DIAPH2: variants seen among roughly 807,000 people sequenced by gnomAD.
The protein encoded by DIAPH2 is protein diaphanous homolog 2.
DIAPH2 carries 35 observed loss-of-function variants against 92.7 expected under a neutral mutation model. The observed-to-expected ratio is 0.38, with a 90% confidence interval of 0.29 to 0.50. The LOEUF is 0.50. DIAPH2 is among the 20% of genes least tolerant of loss of function. The pLI is 0.94. For missense variants in DIAPH2, 701 were observed against 819.5 expected, an observed-to-expected ratio of 0.86 and a Z score of 1.77; for synonymous variants, 301 against 280.4, an observed-to-expected ratio of 1.07 and a Z score of -0.73.
chrX:97,517,082 G>A (rs139469936), intron 26 of DIAPH2, among the ~76,000 whole-genome samples: 1,144 of 111,606 alleles, frequency 0.01, 15 homozygotes, highest in African/African-American at 0.036. Flanking sequence ...CATAGTGATG[G>A]AGTCCATAGT....
intron 17 of DIAPH2, among the ~76,000 whole-genome samples, chrX:96,994,115 G>C (rs2066089421): frequency 8.9e-6 from 1 of 111,856 alleles, no homozygotes; most frequent in Admixed American, 9.5e-5. Context: ...GCTTTTGGTA[G>C]GAAAGTTTAG....
chrX:97,150,209 T>A (rs1182854312), intron 22 of DIAPH2, among the ~76,000 whole-genome samples: 15 of 111,721 alleles, frequency 1.3e-4, no homozygotes, highest in Non-Finnish European at 3.8e-5. Flanking sequence ...GGAAAGAAAG[T>A]CATGTTTTCT....
chrX:97,366,292 A>G (rs1046431489), intron 24 of DIAPH2, among the ~76,000 whole-genome samples: 1 of 111,623 alleles, frequency 9.0e-6, no homozygotes, highest in African/African-American at 3.3e-5. Context: ...TCTCTCTGCC[A>G]CCTTTTCAAG....
At chrX:97,354,169 A>T (rs1170303709) in intron 24 of DIAPH2, among the ~76,000 whole-genome samples, 1 of 110,900 alleles carries the variant, frequency 9.0e-6, no homozygotes, top group African/African-American at 3.3e-5. Flanking sequence ...CACTATTTGA[A>T]TTCCTGGCTT....
Position 96,894,974 on chromosome X carries a change from ATTT to A in DIAPH2, c.587+13283_587+13285del, listed in dbSNP as rs766131166. Reference sequence around the variant, plus strand: ...CGCATATACAGATTAGTTTTTCTTAATTTTTTTTTTTTTTTTTTTTTTTTTTTT... The same window carrying A: ...CGCATATACAGATTAGTTTTTCTTAATTTTTTTTTTTTTTTTTTTTTTTTT... On this transcript the variant is annotated intron_variant, in intron 5 of 26. Transcript: ENST00000324765. 2.3e-3 allele frequency among the ~76,000 whole-genome samples: 137 copies of A among 59,534 alleles called. 2 individuals carry two copies. The highest frequency in any genetic ancestry group is 5.8e-3 in the African/African-American group (95 of 16,491). 51.7% of individuals were successfully genotyped at this position (59,534 alleles called of 115,157 possible). A position where few individuals can be genotyped will look rare whatever the true frequency, so the allele number is the denominator to read the frequency against.
chrX:96,884,539 G>A (rs2065244445), intron 5 of DIAPH2: 1 of 1,210,810 alleles, frequency 8.3e-7, no homozygotes, highest in Non-Finnish European at 1.1e-6. Context: ...GGTCTCCATC[G>A]TGGGGGTAAT....
At chrX:97,273,801 A>C (rs752699956) in intron 23 of DIAPH2, among the ~76,000 whole-genome samples, 1 of 111,945 alleles carries the variant, frequency 8.9e-6, no homozygotes, top group Non-Finnish European at 1.9e-5. Context: ...GTCAGTACCC[A>C]GTTATACATG....
At chrX:97,545,533 A>AAAATATATATAT (rs1260118151) in intron 26 of DIAPH2, among the ~76,000 whole-genome samples, 4 of 79,358 alleles carry the variant, frequency 5.0e-5, no homozygotes, top group African/African-American at 2.0e-4. Flanking sequence ...AAAAAAAAAA[A>AAAATATATATAT]ATATATATAT....
At chrX:96,890,313 AC>A (rs1287161680) in intron 5 of DIAPH2, among the ~76,000 whole-genome samples, 1 of 111,560 alleles carries the variant, frequency 9.0e-6, no homozygotes, top group African/African-American at 3.3e-5. Flanking sequence ...TAATCCTCTT[AC>A]CTTTGCTATT....
intron 26 of DIAPH2, among the ~76,000 whole-genome samples, chrX:97,597,819 T>TATC (rs750901547): frequency 2.0e-4 from 22 of 111,796 alleles, no homozygotes; most frequent in Non-Finnish European, 4.0e-4. Flanking sequence ...TTTTTAATGG[T>TATC]ATCTTCAAAA....
rs1315943641 is a variant in DIAPH2, at chrX:97,508,965, AC to A, written c.3241+79221del. 2.1e-4 allele frequency among the ~76,000 whole-genome samples: 23 copies of A among 107,335 alleles called. 2 individuals are homozygous for A. In the Admixed American group the frequency reaches 2.2e-3, roughly 10 times the overall value. 93.2% of individuals were successfully genotyped at this position (107,335 alleles called of 115,157 possible). ...CTTAACAACAACAATAACAACAACA[AC>A]AAAAAAAAAACAGATTACCCGACTA... On this transcript the variant is annotated intron_variant, in intron 26 of 26. Transcript: ENST00000324765.
intron 22 of DIAPH2, among the ~76,000 whole-genome samples, chrX:97,241,879 G>T (rs901567852): frequency 1.0e-5 from 1 of 99,623 alleles, no homozygotes; most frequent in African/African-American, 3.8e-5. Context: ...GGATTCCAGC[G>T]ATTCTCCTGC....
chrX:97,471,283 G>T (rs2070559727), intron 26 of DIAPH2, among the ~76,000 whole-genome samples: 1 of 111,616 alleles, frequency 9.0e-6, no homozygotes, highest in African/African-American at 3.3e-5. Context: ...ACAGAAGAAA[G>T]GTTACACATA....
chrX:96,996,054 C>T (rs1423385323), intron 17 of DIAPH2, among the ~76,000 whole-genome samples: 1 of 111,436 alleles, frequency 9.0e-6, no homozygotes, highest in Non-Finnish European at 1.9e-5. Context: ...TATCTCTACT[C>T]TTCACCTAGA....
chrX:96,908,444 TTGTC>T (rs1476337403), intron 5 of DIAPH2, among the ~76,000 whole-genome samples: 3 of 111,315 alleles, frequency 2.7e-5, no homozygotes, highest in East Asian at 2.8e-4. Flanking sequence ...ATTTATGTCT[TTGTC>T]TGTAATCTCT....
chrX:96,962,911 C>T (rs942408272), intron 16 of DIAPH2, among the ~76,000 whole-genome samples: 2 of 110,598 alleles, frequency 1.8e-5, no homozygotes, highest in Admixed American at 1.9e-4. Flanking sequence ...CTTTCTCTTT[C>T]TCATTTGTGT....
intron 17 of DIAPH2, among the ~76,000 whole-genome samples, chrX:97,035,923 C>A: frequency 9.2e-6 from 1 of 109,005 alleles, no homozygotes; most frequent in Non-Finnish European, 1.9e-5. Flanking sequence ...GTGGGAGGAT[C>A]CCCTGAGACC....
chrX:97,505,126 CA>C (rs1467821799), intron 26 of DIAPH2, among the ~76,000 whole-genome samples: 1 of 112,041 alleles, frequency 8.9e-6, no homozygotes, highest in African/African-American at 3.2e-5. Context: ...CTAAAATTCT[CA>C]ATACTTTGCA....
At chrX:96,760,548 A>T (rs1431342337) in intron 4 of DIAPH2, among the ~76,000 whole-genome samples, 1 of 111,028 alleles carries the variant, frequency 9.0e-6, no homozygotes, top group African/African-American at 3.3e-5. Context: ...TTCCCCGTTT[A>T]ACACCTGCAT....
Sources: allele counts gnomAD v4.1 joint callset (sites outside exome capture counted in the v4.1 genomes callset), GRCh38; gene constraint gnomAD v4.1.1; transcripts MANE v1.5; gene names NCBI Gene and HGNC (gene_info 2026-07-23, HGNC 2026-07-21).